SRBD1: variants seen among roughly 807,000 people sequenced by gnomAD.
The protein encoded by SRBD1 is S1 RNA binding domain 1.
SRBD1 carries 88 observed loss-of-function variants against 115.3 expected under a neutral mutation model. That is an observed-to-expected ratio of 0.76 (90% CI 0.64 to 0.91). The LOEUF (loss-of-function observed/expected upper bound fraction) is 0.91. SRBD1 is among the 40% of genes least tolerant of loss of function. The pLI is 0.00. For missense variants in SRBD1, 1,385 were observed against 1,177.4 expected (o/e 1.18, Z -2.58); for synonymous variants, 509 against 407.7 (o/e 1.25, Z -2.99).
chr2:45,432,065 T>A (rs1409641672), intron 16 of SRBD1, among the ~76,000 whole-genome samples: 1 of 149,022 alleles, frequency 6.7e-6, no homozygotes, highest in Admixed American at 6.8e-5. Context: ...TGTCTCACCC[T>A]GTCGCCCAGG....
chr2:45,464,413 G>C (rs1462991341), intron 16 of SRBD1, among the ~76,000 whole-genome samples: 1 of 152,096 alleles, frequency 6.6e-6, no homozygotes, highest in Admixed American at 6.6e-5. Context: ...CGATGTTCTA[G>C]GGTACCTTTT....
At chr2:45,417,795 T>C (rs1667875650) in intron 18 of SRBD1, among the ~76,000 whole-genome samples, 1 of 152,296 alleles carries the variant, frequency 6.6e-6, no homozygotes, top group Admixed American at 6.5e-5. Context: ...GGAACAGCTA[T>C]GTCAGTATAA....
chr2:45,610,176 G>C (rs781669227), intron 1 of SRBD1, among the ~76,000 whole-genome samples: 1 of 152,148 alleles, frequency 6.6e-6, no homozygotes, highest in Non-Finnish European at 1.5e-5. Context: ...TTTGGAGGTT[G>C]CTATGATGTT....
At chr2:45,487,344 A>C (rs1461241151) in intron 15 of SRBD1, among the ~76,000 whole-genome samples, 1 of 152,206 alleles carries the variant, frequency 6.6e-6, no homozygotes, top group Non-Finnish European at 1.5e-5. Context: ...CATTAGATGC[A>C]TCATAGTATC....
intron 16 of SRBD1, among the ~76,000 whole-genome samples, chr2:45,442,709 A>G (rs1319553303): frequency 6.6e-6 from 1 of 152,180 alleles, no homozygotes; most frequent in Non-Finnish European, 1.5e-5. Context: ...ATTGGAGTAA[A>G]TCTCAGCTTA....
intron 20 of SRBD1, 147 bp downstream of exon 20, chr2:45,392,798 G>A: frequency 2.4e-6 from 2 of 842,670 alleles, no homozygotes; most frequent in Non-Finnish European, 3.5e-6. Flanking sequence ...TGACTTTGAA[G>A]GAAGATCACC....
chr2:45,562,698 G>A lies in SRBD1; in HGVS notation c.1364C>T (p.Ser455Phe). ...LKVLTVKVNISDGVKDEFCRW... is the reference protein window; with the variant it reads ...LKVLTVKVNIFDGVKDEFCRW... ...ACAGAATTCATCCTTCACTCCATCA[G>A]AAATATTGACCTTAACCGTCAGTAC... The change falls in exon 10 of 21, where the codon TCT becomes TTT. Residue 455 changes from serine to phenylalanine, a missense_variant. Ser to Phe is a radical substitution (Grantham distance 155). Coordinates refer to ENST00000263736, the MANE Select transcript of SRBD1 (RefSeq NM_018079.5). 1 of 1,612,572 alleles carries A rather than the reference G, an allele frequency of 6.2e-7. No individual in the cohort carries two copies. The highest frequency in any genetic ancestry group is 8.5e-7 in the Non-Finnish European group (1 of 1,179,684).
chr2:45,583,010 A>G (rs140391058), intron 5 of SRBD1, among the ~76,000 whole-genome samples: 54 of 152,324 alleles, frequency 3.5e-4, no homozygotes, highest in African/African-American at 1.3e-3. Flanking sequence ...TGGGCACAGT[A>G]GTTCCCCCAC....
At chr2:45,440,388 T>A (rs939630124) in intron 16 of SRBD1, among the ~76,000 whole-genome samples, 16 of 152,176 alleles carry the variant, frequency 1.1e-4, no homozygotes, top group Non-Finnish European at 5.9e-5. Flanking sequence ...ACTGGCTAAG[T>A]AAAGGTTCAT....
intron 16 of SRBD1, among the ~76,000 whole-genome samples, chr2:45,438,052 G>A (rs1206185410): frequency 6.6e-6 from 1 of 152,100 alleles, no homozygotes; most frequent in African/African-American, 2.4e-5. Flanking sequence ...TTCATCAATT[G>A]TAACAAATGT....
rs996712205 is a variant in SRBD1, at chr2:45,503,039, ACT to A, written c.1875-14710_1875-14709del. ...CCACACTCTGAGAATCACGAGAATC[ACT>A]GTTCTAAAGCCTCAAAAACTCAAAA... On this transcript the variant is annotated intron_variant, in intron 14 of 20. Transcript: ENST00000263736. Among the ~76,000 whole-genome samples the A allele has an allele frequency of 7.9e-4, 121 of 152,238 alleles. 1 individual carries two copies. The highest frequency in any genetic ancestry group is 2.8e-3 in the African/African-American group (115 of 41,546).
intron 14 of SRBD1, among the ~76,000 whole-genome samples, chr2:45,542,127 G>C (rs1671961329): frequency 6.6e-6 from 1 of 152,212 alleles, no homozygotes; most frequent in Non-Finnish European, 1.5e-5. Flanking sequence ...GCTGCCCTTA[G>C]CCATCACCCC....
chr2:45,409,007 G>A (rs1038947716), intron 19 of SRBD1, among the ~76,000 whole-genome samples: 2 of 152,092 alleles, frequency 1.3e-5, no homozygotes, highest in Non-Finnish European at 1.5e-5. Context: ...CTGCCTGAGC[G>A]AAGGAGTTCA....
intron 14 of SRBD1, among the ~76,000 whole-genome samples, chr2:45,531,881 G>A (rs1218044656): frequency 2.6e-5 from 4 of 151,730 alleles, no homozygotes; most frequent in African/African-American, 7.2e-5. Context: ...AAACAGGCTG[G>A]AAGTTAAACT....
intron 14 of SRBD1, among the ~76,000 whole-genome samples, chr2:45,514,008 G>A (rs1472716316): frequency 6.6e-6 from 1 of 152,078 alleles, no homozygotes; most frequent in East Asian, 1.9e-4. Flanking sequence ...CATCATATTA[G>A]TTTATCAGTT....
chr2:45,468,640 G>A (rs1380988473), intron 16 of SRBD1, among the ~76,000 whole-genome samples: 1 of 151,796 alleles, frequency 6.6e-6, no homozygotes, highest in Non-Finnish European at 1.5e-5. Flanking sequence ...CTCCTACCTC[G>A]GCCTCCCAAA....
rs183815447 is a variant in SRBD1 at position 45,453,867 on chromosome 2, T to A, written c.2049+23126A>T. ...ACATTCTTTTTAAAGATTCTTCTGC[T>A]CATTTTCCTCTTCTGATAAGCAACT... On this transcript the variant is annotated intron_variant, in intron 16 of 20. Transcript: ENST00000263736. Among the ~76,000 whole-genome samples the A allele has an allele frequency of 9.2e-5, 14 of 152,136 alleles. No individual in the cohort carries two copies. In the East Asian group the frequency reaches 2.7e-3, roughly 29 times the overall value.
At chr2:45,414,674 T>C (rs1044992219) in intron 18 of SRBD1, among the ~76,000 whole-genome samples, 5 of 150,460 alleles carry the variant, frequency 3.3e-5, no homozygotes, top group South Asian at 2.1e-4. Flanking sequence ...ATAGTGTATA[T>C]AGTATGTATA....
chr2:45,553,211 A>G (rs559819559), intron 11 of SRBD1, among the ~76,000 whole-genome samples: 47 of 152,226 alleles, frequency 3.1e-4, no homozygotes, highest in Middle Eastern at 3.4e-3. Flanking sequence ...CATTTTAATA[A>G]TCTCCTAATA....
Sources: allele counts gnomAD v4.1 joint callset (sites outside exome capture counted in the v4.1 genomes callset), GRCh38; gene constraint gnomAD v4.1.1; transcripts MANE v1.5; gene names NCBI Gene and HGNC (gene_info 2026-07-23, HGNC 2026-07-21).